The following NMUR1 variants were observed in gnomAD, a reference collection of about 807,000 sequenced individuals.
NMUR1 encodes neuromedin-U receptor 1.
NMUR1 carries 16 observed loss-of-function variants against 18.8 expected under a neutral mutation model. The ratio of observed to expected loss-of-function variants is 0.85; its 90% CI spans 0.58 to 1.29. NMUR1 has a LOEUF of 1.29. Among genes scored for constraint, NMUR1 ranks in the 50% most tolerant of loss-of-function variants. The pLI, the probability that NMUR1 is intolerant of heterozygous loss-of-function variation, is 0.00. For synonymous variants in NMUR1, 258 were observed against 258.2 expected (o/e 1.00, Z 0.01); for missense variants, 529 against 580.3 (o/e 0.91, Z 0.91).
chr2:231,525,227 G>T lies in NMUR1; in HGVS notation c.1097C>A (p.Thr366Asn), dbSNP rs747679960. 6.2e-7 allele frequency: 1 copy of T among 1,614,178 alleles called. No homozygotes were observed. Among genetic ancestry groups the T allele is most frequent in the Non-Finnish European group, 8.5e-7 (1 of 1,180,026 alleles). ...CCCGAGGCACAGGGCCTCCTGGAAG[G>T]TCTCTCGGAAGCGGCTGGACATGAG... is the stretch of plus-strand genomic sequence containing the variant. ...YSLMSSRFRE[T>N]FQEALCLGAC... Residue 366 changes from threonine to asparagine, a missense_variant, in exon 3 of 3, where the codon ACC becomes AAC. Physicochemically the swap from Thr to Asn is moderately conservative, Grantham distance 65. Coordinates refer to ENST00000305141, the MANE Select transcript of NMUR1 (RefSeq NM_006056.5).
At chr2:231,518,700 C>G (rs1284167578), downstream of NMUR1, among the ~76,000 whole-genome samples, 5 of 152,128 alleles carry the variant, frequency 3.3e-5, no homozygotes, top group Admixed American at 2.0e-4. Context: ...GGAGGTGAGA[C>G]GAACAGGGAG....
At chr2:231,521,768 C>A (rs1373202713), downstream of NMUR1, among the ~76,000 whole-genome samples, 3 of 152,082 alleles carry the variant, frequency 2.0e-5, no homozygotes, top group African/African-American at 7.2e-5. Flanking sequence ...GCACTGGGGA[C>A]CAAGGAGAAT....
chr2:231,521,796 G>A (rs2047306066), downstream of NMUR1, among the ~76,000 whole-genome samples: 1 of 151,984 alleles, frequency 6.6e-6, no homozygotes, highest in African/African-American at 2.4e-5. Flanking sequence ...CAGCATGACC[G>A]GTGTTTTTGC....
At chr2:231,520,939 T>C (rs4973433), downstream of NMUR1, among the ~76,000 whole-genome samples, 42,107 of 152,124 alleles carry the variant, frequency 0.28, 6,487 homozygotes, top group East Asian at 0.47. Flanking sequence ...AAGGGAAGAA[T>C]TATTCCAGTG....
chr2:231,526,380 C>T (rs185891586), intron 2 of NMUR1, among the ~76,000 whole-genome samples: 136 of 150,062 alleles, frequency 9.1e-4, no homozygotes, highest in African/African-American at 3.1e-3. Context: ...AGAGGGCCAG[C>T]GGAAAGTGGA....
rs2047323251 is a variant in NMUR1 at position 231,523,429 on chromosome 2, CT to C, written c.*1613del. 6.0e-6 allele frequency: 2 copies of C among 335,454 alleles called. No homozygotes were observed. The highest frequency in any genetic ancestry group is 4.2e-5 in the African/African-American group (2 of 47,676). 20.8% of individuals were successfully genotyped at this position (335,454 alleles called of 1,614,324 possible). A position where few individuals can be genotyped will look rare whatever the true frequency, so the allele number is the denominator to read the frequency against. On this transcript the variant is annotated 3_prime_UTR_variant, in exon 3 of 3. Transcript: ENST00000305141. ...TCCTCACTTGCCCTTCCCCCATTCC[CT>C]GGCAAGAGAGGTTTTACATTTTTAA...
At position 231,524,714 on chromosome 2, in the gene NMUR1, A is replaced by C; in HGVS notation, c.*329T>G. On this transcript the variant is annotated 3_prime_UTR_variant, in exon 3 of 3. Transcript: ENST00000305141. ...AGGACCCAGTGGGACCGTTTCAGAA[A>C]CTGGCAGTGGTGGCAGGGAGTCCCC... The C allele has an allele frequency of 3.7e-6, 1 of 273,088 alleles. No individual in the cohort carries two copies. The allele number at this position is 273,088 out of a possible 1,614,324, so 16.9% of individuals were successfully genotyped here.
chr2:231,530,372 G>C lies in NMUR1; in HGVS notation c.-11C>G. On this transcript the variant is annotated 5_prime_UTR_variant, in exon 1 of 3. Coordinates refer to ENST00000305141, the MANE Select transcript of NMUR1 (RefSeq NM_006056.5). Reference sequence around the variant, plus strand: ...CTGCGCACCTACCATGCGGCCCGCGGCCCGCGAGACCCCGGCTTCCACCCT... The same window carrying C: ...CTGCGCACCTACCATGCGGCCCGCGCCCCGCGAGACCCCGGCTTCCACCCT... 1.3e-6 allele frequency: 2 copies of C among 1,486,950 alleles called. No individual in the cohort carries two copies. Among genetic ancestry groups the C allele is most frequent in the Non-Finnish European group, 1.8e-6 (2 of 1,125,868 alleles). 92.1% of individuals were successfully genotyped at this position (1,486,950 alleles called of 1,614,324 possible).
At chr2:231,526,138 A>ACT (rs3835945) in intron 2 of NMUR1, among the ~76,000 whole-genome samples, 42,238 of 151,246 alleles carry the variant, frequency 0.28, 6,495 homozygotes, top group East Asian at 0.5. Context: ...GCAAACCTTC[A>ACT]CTTTCTCCCC....
intron 1 of NMUR1, among the ~76,000 whole-genome samples, chr2:231,529,388 A>T (rs1433754673): frequency 6.6e-6 from 1 of 152,186 alleles, no homozygotes; most frequent in African/African-American, 2.4e-5. Flanking sequence ...TGAACCCAGG[A>T]GACAGAGGTT....
intron 1 of NMUR1, among the ~76,000 whole-genome samples, chr2:231,529,833 T>C (rs1016740981): frequency 6.6e-6 from 1 of 152,242 alleles, no homozygotes; most frequent in African/African-American, 2.4e-5. Context: ...CTGCCTGGCA[T>C]ACGGAAGGGC....
rs756943675 is a variant in NMUR1 at position 231,528,122 on chromosome 2, C to G, written c.898+1G>C. ...CCCCTCTTCCCAGCCGTGACACTTA[C>G]ACAGCATCTTGGTCACTTGTCTCCG... On this transcript the variant is annotated splice_donor_variant, in intron 2 of 2. Transcript: ENST00000305141. LOFTEE classifies it high-confidence loss of function. The G allele has an allele frequency of 6.5e-7, 1 of 1,542,794 alleles. No homozygotes were observed.
rs1456360578 is a variant in NMUR1, at chr2:231,528,466, G to A, written c.555C>T (p.Val185=). 7 of 1,613,650 alleles carry A rather than the reference G, an allele frequency of 4.3e-6. No homozygotes were observed. Among genetic ancestry groups the A allele is most frequent in the South Asian group, 1.1e-5 (1 of 91,078 alleles). ...GGGAGCAGAGCATGGCAAGACCCCA[G>A]ACGGCCCCAAGCACTCGGCGCACAT... The part of the protein sequence containing the change: ...RAHVRRVLGA[V]WGLAMLCSLP... Residue 185 remains valine, a synonymous_variant, in exon 2 of 3, where the codon GTC becomes GTT. Transcript: ENST00000305141.
downstream of NMUR1, among the ~76,000 whole-genome samples, chr2:231,518,572 G>A (rs1210021394): frequency 6.6e-6 from 1 of 152,228 alleles, no homozygotes; most frequent in African/African-American, 2.4e-5. Context: ...TTGCCAGAAT[G>A]TTAACAGCAG....
At chr2:231,523,183 CT>C (rs1264827600), downstream of NMUR1, 2 of 350,928 alleles carry the variant, frequency 5.7e-6, no homozygotes, top group Non-Finnish European at 1.0e-5. Context: ...GCCACTGTTA[CT>C]GCTTCAGAGT....
downstream of NMUR1, among the ~76,000 whole-genome samples, chr2:231,519,314 G>A (rs2047289112): frequency 1.3e-5 from 2 of 152,166 alleles, no homozygotes; most frequent in Non-Finnish European, 2.9e-5. Context: ...CCTTCCCTGA[G>A]TCCCCACTGT....
chr2:231,522,172 C>T (rs190727742), downstream of NMUR1, among the ~76,000 whole-genome samples: 1 of 151,600 alleles, frequency 6.6e-6, no homozygotes, highest in African/African-American at 2.4e-5. Context: ...ATTGTAGAGA[C>T]GGGGGTTTCA....
At chr2:231,529,208 A>G (rs1267573869) in intron 1 of NMUR1, among the ~76,000 whole-genome samples, 191 bp from the exon 2 acceptor site, 1 of 152,180 alleles carries the variant, frequency 6.6e-6, no homozygotes, top group African/African-American at 2.4e-5. Context: ...TCACACCTGT[A>G]ATCCCAACAC....
rs755757053 is a variant in NMUR1, at chr2:231,525,145, G to A, written c.1179C>T (p.Thr393=). ...CCACATCACACAGGGTGCTGCCTGT[G>A]GTCATCCTGCTGAGGCTGTGGGAGC... ...RHSSHSLSRM[T]TGSTLCDVGS... Residue 393 remains threonine, a synonymous_variant, in exon 3 of 3, where the codon ACC becomes ACT. Transcript: ENST00000305141. 6.2e-7 allele frequency: 1 copy of A among 1,614,040 alleles called. No homozygotes were observed. Among genetic ancestry groups the A allele is most frequent in the East Asian group, 2.2e-5 (1 of 44,898 alleles).
Sources: allele counts gnomAD v4.1 joint callset (sites outside exome capture counted in the v4.1 genomes callset), GRCh38; gene constraint gnomAD v4.1.1; transcripts MANE v1.5; gene names NCBI Gene and HGNC (gene_info 2026-07-23, HGNC 2026-07-21).